The following TCF4 variants were observed in gnomAD, a reference collection of about 807,000 sequenced individuals.
The protein encoded by TCF4 is transcription factor 4, also known as SL3-3 enhancer factor 2.
A neutral mutation model predicts 82.1 loss-of-function variants in TCF4; 3 were observed. That is an observed-to-expected ratio of 0.04 (90% CI 0.02 to 0.09). The LOEUF (loss-of-function observed/expected upper bound fraction) is 0.09. Ranked by LOEUF, TCF4 falls within the 10% of genes least tolerant of loss-of-function variation. The pLI, the probability that TCF4 is intolerant of heterozygous loss-of-function variation, is 1.00. For synonymous variants in TCF4, 276 were observed against 309.6 expected, an observed-to-expected ratio of 0.89 and a Z score of 1.14; for missense variants, 518 against 852.7, an observed-to-expected ratio of 0.61 and a Z score of 4.89.
intron 5 of TCF4, among the ~76,000 whole-genome samples, chr18:55,404,642 G>A (rs945349306): frequency 4.6e-5 from 7 of 152,076 alleles, no homozygotes; most frequent in East Asian, 1.9e-4. Flanking sequence ...AACTCAACAC[G>A]AATGCTAAAA....
intron 8 of TCF4, among the ~76,000 whole-genome samples, chr18:55,303,946 C>G (rs774575990): frequency 6.6e-6 from 1 of 151,892 alleles, no homozygotes; most frequent in Non-Finnish European, 1.5e-5. Flanking sequence ...CTCTTCACTT[C>G]CAAAAAAGAA....
chr18:55,266,050 C>A (rs981028904), intron 11 of TCF4: 1 of 152,090 alleles, frequency 6.6e-6, no homozygotes, highest in African/African-American at 2.4e-5. Context: ...AAGGGTCACA[C>A]CCTGTGAATG....
chr18:55,302,522 A>G, intron 8 of TCF4: 1 of 1,536,064 alleles, frequency 6.5e-7, no homozygotes, highest in Non-Finnish European at 8.7e-7. Flanking sequence ...GACATGGCTG[A>G]CAGCATCAGA....
At chr18:55,352,864 T>C (rs1004055734) in intron 6 of TCF4, among the ~76,000 whole-genome samples, 11 of 152,180 alleles carry the variant, frequency 7.2e-5, no homozygotes, top group African/African-American at 2.4e-4. Flanking sequence ...CAAGTTTTCT[T>C]TGAAATTTCC....
intron 8 of TCF4, among the ~76,000 whole-genome samples, chr18:55,346,278 A>G (rs537526029): frequency 2.0e-5 from 3 of 152,188 alleles, no homozygotes; most frequent in Admixed American, 2.0e-4. Context: ...CATTGTTTTT[A>G]TTTTTCAAAC....
intron 8 of TCF4, among the ~76,000 whole-genome samples, chr18:55,314,836 TGTGA>T (rs2073666554): frequency 6.6e-6 from 1 of 152,004 alleles, no homozygotes; most frequent in South Asian, 2.1e-4. Context: ...TTTAAAATGG[TGTGA>T]GTTTTTCCCA....
At chr18:55,621,789 T>C (rs1181895878) in intron 2 of TCF4, among the ~76,000 whole-genome samples, 2 of 90,138 alleles carry the variant, frequency 2.2e-5, no homozygotes, top group African/African-American at 4.4e-5. Context: ...TAATATATAT[T>C]ATATATTATA....
chr18:55,325,598 G>T (rs930176364), intron 8 of TCF4, among the ~76,000 whole-genome samples: 3 of 152,178 alleles, frequency 2.0e-5, no homozygotes, highest in Non-Finnish European at 4.4e-5. Context: ...CATATGGAAG[G>T]AATTCCCATT....
chr18:55,359,771 C>T (rs1190527731), intron 6 of TCF4, among the ~76,000 whole-genome samples: 2 of 152,218 alleles, frequency 1.3e-5, no homozygotes, highest in African/African-American at 2.4e-5. Flanking sequence ...GGCTCAATGC[C>T]TCTTTTCCAC....
At chr18:55,464,022 CA>C in intron 4 of TCF4, 53 bp downstream of exon 4, 1 of 1,510,620 alleles carries the variant, frequency 6.6e-7, no homozygotes, top group East Asian at 2.3e-5. Context: ...TTCTGTTTGT[CA>C]ATTTACATAT....
intron 10 of TCF4, 122 bp downstream of exon 10, chr18:55,275,497 T>A: frequency 7.9e-7 from 1 of 1,268,010 alleles, no homozygotes. Flanking sequence ...AACTTAAGAA[T>A]AATGGGTGTG....
At chr18:55,407,802 C>A (rs1052963740) in intron 5 of TCF4, among the ~76,000 whole-genome samples, 1 of 151,962 alleles carries the variant, frequency 6.6e-6, no homozygotes, top group Non-Finnish European at 1.5e-5. Flanking sequence ...TTTTTATATT[C>A]TTGTATTATC....
chr18:55,526,894 A>G (rs1188002255), intron 3 of TCF4, among the ~76,000 whole-genome samples: 1 of 152,048 alleles, frequency 6.6e-6, no homozygotes, highest in Non-Finnish European at 1.5e-5. Flanking sequence ...CCCAAACATA[A>G]AGGGGTATAT....
chr18:55,511,567 T>C (rs8090106), intron 3 of TCF4, among the ~76,000 whole-genome samples: 50,701 of 151,872 alleles, frequency 0.33, 8,700 homozygotes, highest in East Asian at 0.5. Flanking sequence ...AAATTCATTC[T>C]GGAAGTAAAT....
intron 2 of TCF4, among the ~76,000 whole-genome samples, chr18:55,625,692 T>C (rs1364785538): frequency 6.6e-6 from 1 of 152,222 alleles, no homozygotes; most frequent in East Asian, 1.9e-4. Context: ...TTGTAAATAT[T>C]TTTGTTGATG....
chr18:55,381,988 C>A (rs1603427751), intron 6 of TCF4, among the ~76,000 whole-genome samples: 2 of 151,436 alleles, frequency 1.3e-5, no homozygotes, highest in East Asian at 3.9e-4. Context: ...GGTGAGAATA[C>A]TTCTGGCTTA....
intron 8 of TCF4, among the ~76,000 whole-genome samples, chr18:55,350,005 TCC>T (rs2081997524): frequency 6.6e-6 from 1 of 152,100 alleles, no homozygotes; most frequent in African/African-American, 2.4e-5. Flanking sequence ...CGCATGCAAA[TCC>T]ATAAATCATC....
intron 3 of TCF4, among the ~76,000 whole-genome samples, chr18:55,495,064 G>A (rs540701994): frequency 2.6e-5 from 4 of 151,706 alleles, no homozygotes; most frequent in Non-Finnish European, 5.9e-5. Context: ...CTTAGGTCTG[G>A]TTCTTTAATC....
At chr18:55,521,877 G>A (rs1004393656) in intron 3 of TCF4, among the ~76,000 whole-genome samples, 2 of 152,170 alleles carry the variant, frequency 1.3e-5, no homozygotes, top group African/African-American at 4.8e-5. Flanking sequence ...CAGTATGGTT[G>A]GATGTGTGGC....
Sources: allele counts gnomAD v4.1 joint callset (sites outside exome capture counted in the v4.1 genomes callset), GRCh38; gene constraint gnomAD v4.1.1; transcripts MANE v1.5; gene names NCBI Gene and HGNC (gene_info 2026-07-23, HGNC 2026-07-21).